The following CNTN4 variants were observed in gnomAD, a reference collection of about 807,000 sequenced individuals.
CNTN4 encodes contactin 4.
A neutral mutation model predicts 122.5 loss-of-function variants in CNTN4; 77 were observed. The observed-to-expected ratio is 0.63, with a 90% CI of 0.52 to 0.76. CNTN4 has a LOEUF of 0.76. CNTN4 is among the 30% of genes least tolerant of loss of function. The probability of loss-of-function intolerance (pLI) is 0.00; values close to 1 mark genes in which losing one functional copy is unlikely to be tolerated. For missense variants in CNTN4, 1,256 were observed against 1,259.1 expected (o/e 1.00, Z 0.04); for synonymous variants, 512 against 447.0 (o/e 1.15, Z -1.83).
intron 7 of CNTN4, among the ~76,000 whole-genome samples, chr3:2,822,989 A>G (rs564811789): frequency 6.6e-6 from 1 of 152,362 alleles, no homozygotes; most frequent in East Asian, 1.9e-4. Flanking sequence ...TGAGAAAAGA[A>G]CAAAGAAGAT....
chr3:2,916,391 A>T lies in CNTN4; in HGVS notation c.1208-9238A>T, dbSNP rs1290687110. Reference sequence around the variant, plus strand: ...TGTCCCTGGGTACTTGAGATTAGGGAGTGGTGATGACTGTTAAGGAGCATG... The same window carrying T: ...TGTCCCTGGGTACTTGAGATTAGGGTGTGGTGATGACTGTTAAGGAGCATG... On this transcript the variant is annotated intron_variant, in intron 12 of 24. Transcript: ENST00000418658. Among the ~76,000 whole-genome samples, 6 of 148,580 alleles carry T rather than the reference A, an allele frequency of 4.0e-5. No homozygotes were observed. The East Asian group carries it at 1.2e-3, about 30-fold the overall frequency.
chr3:2,592,418 T>G (rs1418551249), intron 4 of CNTN4, among the ~76,000 whole-genome samples: 1 of 152,206 alleles, frequency 6.6e-6, no homozygotes, highest in Non-Finnish European at 1.5e-5. Context: ...TGGTTCTGTG[T>G]CCCCACCCAA....
At chr3:2,440,363 T>C (rs2151278281) in intron 3 of CNTN4, among the ~76,000 whole-genome samples, 1 of 152,344 alleles carries the variant, frequency 6.6e-6, no homozygotes, top group Non-Finnish European at 1.5e-5. Flanking sequence ...TGAAAATCCC[T>C]CATATGTCTT....
chr3:2,751,103 C>T (rs1031913364), intron 6 of CNTN4, among the ~76,000 whole-genome samples: 3 of 151,660 alleles, frequency 2.0e-5, no homozygotes, highest in East Asian at 1.9e-4. Flanking sequence ...AGATTGAGAC[C>T]ATCCTGGCTA....
chr3:2,739,841 C>G (rs1219205549), intron 5 of CNTN4, among the ~76,000 whole-genome samples: 1 of 152,092 alleles, frequency 6.6e-6, no homozygotes, highest in Non-Finnish European at 1.5e-5. Context: ...ATGTGGGGAG[C>G]TAGAAGAAAA....
intron 13 of CNTN4, among the ~76,000 whole-genome samples, chr3:2,981,846 AC>A (rs908566340): frequency 4.6e-5 from 7 of 152,096 alleles, no homozygotes; most frequent in Non-Finnish European, 8.8e-5. Flanking sequence ...GAAGTTTCAG[AC>A]CAGCCTGGCC....
rs1218325587 is a variant in CNTN4 at position 2,934,465 on chromosome 3, ACT to A, written c.1358+8689_1358+8690del. On this transcript the variant is annotated intron_variant, in intron 13 of 24. Coordinates refer to ENST00000418658, the MANE Select transcript of CNTN4 (RefSeq NM_175607.3). The stretch of plus-strand genomic sequence containing the variant: ...GGAAATCCCAGTGCAGGGCTGCACA[ACT>A]CTGTGTTGCACACAAGGTGTGAAAC... Among the ~76,000 whole-genome samples the A allele has an allele frequency of 2.0e-5, 3 of 152,352 alleles. No homozygotes were observed. The South Asian group carries it at 6.2e-4, about 32-fold the overall frequency.
intron 14 of CNTN4, among the ~76,000 whole-genome samples, chr3:2,991,821 G>C (rs1198604856): frequency 6.6e-6 from 1 of 151,842 alleles, no homozygotes; most frequent in African/African-American, 2.4e-5. Context: ...AAATATGACT[G>C]AGCGCTGTAT....
At chr3:2,526,288 A>G (rs2077395541) in intron 3 of CNTN4, among the ~76,000 whole-genome samples, 1 of 152,158 alleles carries the variant, frequency 6.6e-6, no homozygotes, top group African/African-American at 2.4e-5. Context: ...ATCAAAGTTA[A>G]AAGAAGGAAA....
At chr3:2,933,527 C>G (rs2094543003) in intron 13 of CNTN4, among the ~76,000 whole-genome samples, 1 of 152,162 alleles carries the variant, frequency 6.6e-6, no homozygotes, top group Non-Finnish European at 1.5e-5. Flanking sequence ...TTGCGTGACT[C>G]AGTTCCCAAG....
intron 6 of CNTN4, among the ~76,000 whole-genome samples, chr3:2,815,349 G>C (rs146434345): frequency 6.6e-6 from 1 of 152,012 alleles, no homozygotes; most frequent in Non-Finnish European, 1.5e-5. Flanking sequence ...ATCTGACAAA[G>C]GACTAATATC....
At chr3:2,748,700 T>C (rs1282511325) in intron 6 of CNTN4, among the ~76,000 whole-genome samples, 2 of 152,230 alleles carry the variant, frequency 1.3e-5, no homozygotes, top group African/African-American at 4.8e-5. Context: ...CTTGCTAAAA[T>C]CAACATGTAT....
chr3:3,028,811 C>T (rs762022703), intron 15 of CNTN4, among the ~76,000 whole-genome samples: 70 of 152,238 alleles, frequency 4.6e-4, no homozygotes, highest in South Asian at 8.3e-4. Context: ...ATACACTTGA[C>T]CCTTGAACAA....
chr3:2,504,464 G>A (rs1400877527), intron 3 of CNTN4, among the ~76,000 whole-genome samples: 1 of 152,174 alleles, frequency 6.6e-6, no homozygotes, highest in African/African-American at 2.4e-5. Context: ...AGGGTTGAGT[G>A]AGTGGGTGGG....
rs538302009 is a variant in CNTN4 at position 2,840,639 on chromosome 3, C to T, written c.454+21058C>T. Among the ~76,000 whole-genome samples, 116 of 142,492 alleles carry T rather than the reference C, an allele frequency of 8.1e-4. 5 individuals carry two copies. In the South Asian group the frequency reaches 0.027, roughly 33 times the overall value. 93.5% of individuals were successfully genotyped at this position (142,492 alleles called of 152,430 possible). A position where few individuals can be genotyped will look rare whatever the true frequency, so the allele number is the denominator to read the frequency against. ...GCGGGAACCCGGGAGGCGGAGCTTG[C>T]AGTGAGCCAAGATCACACCACTGCA... is the stretch of plus-strand genomic sequence containing the variant. On this transcript the variant is annotated intron_variant, in intron 7 of 24. Transcript: ENST00000418658.
chr3:2,234,457 C>T (rs2039609321), intron 2 of CNTN4, among the ~76,000 whole-genome samples: 1 of 151,228 alleles, frequency 6.6e-6, no homozygotes, highest in Non-Finnish European at 1.5e-5. Flanking sequence ...TTAGTCTCTG[C>T]TCATCTCATT....
At chr3:2,643,864 T>C (rs993696900) in intron 4 of CNTN4, among the ~76,000 whole-genome samples, 2 of 152,168 alleles carry the variant, frequency 1.3e-5, no homozygotes, top group Non-Finnish European at 2.9e-5. Flanking sequence ...GCCAGAGCTA[T>C]GCTTCATAGC....
intron 3 of CNTN4, among the ~76,000 whole-genome samples, chr3:2,512,787 G>A (rs1042559758): frequency 2.6e-5 from 4 of 152,186 alleles, no homozygotes; most frequent in African/African-American, 9.7e-5. Context: ...AGACCATGGA[G>A]CCTGATGGTC....
chr3:2,220,203 G>T (rs1306298733), intron 2 of CNTN4, among the ~76,000 whole-genome samples: 1 of 151,958 alleles, frequency 6.6e-6, no homozygotes. Context: ...CCATTTTCTG[G>T]ATTTCCCCAG....
Sources: gnomAD v4.1 joint callset for allele counts (sites outside exome capture counted in the v4.1 genomes callset) on GRCh38, gnomAD v4.1.1 for gene constraint, MANE v1.5 for transcripts, NCBI Gene and HGNC (gene_info 2026-07-23, HGNC 2026-07-21) for gene names.